The following NLK variants were observed in gnomAD, a reference collection of about 807,000 sequenced individuals.
NLK encodes the protein serine/threonine-protein kinase NLK.
In NLK, 11 loss-of-function variants were observed where a neutral mutation model predicts 59.0. The observed-to-expected ratio is 0.19, with a 90% confidence interval of 0.12 to 0.31. NLK has a LOEUF of 0.31. NLK is among the 10% of genes least tolerant of loss of function. NLK has a pLI of 1.00. For missense variants in NLK, 410 were observed against 661.1 expected (o/e 0.62, Z 4.16); for synonymous variants, 235 against 235.9 (o/e 1.00, Z 0.03).
the NLK span, among the ~76,000 whole-genome samples, chr17:28,205,358 T>C: frequency 4.1e-4 from 62 of 152,108 alleles, 1 homozygote; most frequent in Non-Finnish European, 7.6e-4. Context: ...CAGTGGACAG[T>C]GTGGATCAGG....
chr17:28,079,896 A>G (rs1255856133), intron 1 of NLK, among the ~76,000 whole-genome samples: 2 of 152,196 alleles, frequency 1.3e-5, no homozygotes, highest in Admixed American at 6.5e-5. Context: ...GCCAAATCCA[A>G]TATCATGAAG....
chr17:28,149,096 T>C (rs1440756948), intron 3 of NLK, among the ~76,000 whole-genome samples: 1 of 152,226 alleles, frequency 6.6e-6, no homozygotes, highest in Non-Finnish European at 1.5e-5. Context: ...AGGGTCTTGC[T>C]CTGTCGCCAA....
At chr17:28,100,468 A>G (rs1904866442) in intron 1 of NLK, among the ~76,000 whole-genome samples, 1 of 152,222 alleles carries the variant, frequency 6.6e-6, no homozygotes, top group Admixed American at 6.5e-5. Flanking sequence ...GTGGCTGTGT[A>G]GTAGAATCTT....
chr17:28,053,475 T>C (rs141712471), intron 1 of NLK, among the ~76,000 whole-genome samples: 4 of 152,192 alleles, frequency 2.6e-5, no homozygotes, highest in Non-Finnish European at 5.9e-5. Context: ...AGAGCAGATA[T>C]CTCCTATTGA....
chr17:28,181,127 G>A (rs1050558053), intron 7 of NLK, among the ~76,000 whole-genome samples: 5 of 152,120 alleles, frequency 3.3e-5, no homozygotes, highest in African/African-American at 4.8e-5. Context: ...GGGTGGGTGC[G>A]GTGGCTCACA....
chr17:28,163,466 C>A, intron 4 of NLK, 77 bp from the exon 5 acceptor site: 1 of 845,814 alleles, frequency 1.2e-6, no homozygotes, highest in South Asian at 1.6e-5. Flanking sequence ...CTACTGTTTT[C>A]TTCCAAGGTT....
chr17:28,123,422 C>T (rs376667341), intron 2 of NLK, among the ~76,000 whole-genome samples: 34 of 152,182 alleles, frequency 2.2e-4, no homozygotes, highest in African/African-American at 7.9e-4. Flanking sequence ...GAACAATGAA[C>T]AAGTGTAAGT....
At chr17:28,173,023 A>G (rs1004524869) in intron 7 of NLK, among the ~76,000 whole-genome samples, 5 of 152,204 alleles carry the variant, frequency 3.3e-5, no homozygotes, top group African/African-American at 9.7e-5. Flanking sequence ...AGCTGTTGCT[A>G]TTGCACTCTT....
intron 2 of NLK, among the ~76,000 whole-genome samples, chr17:28,128,460 A>T (rs1018812861): frequency 6.6e-6 from 1 of 152,198 alleles, no homozygotes; most frequent in Non-Finnish European, 1.5e-5. Flanking sequence ...ACTGAGTTAT[A>T]TATCTAAATA....
chr17:28,179,992 G>A (rs968011471), intron 7 of NLK, among the ~76,000 whole-genome samples: 3 of 151,062 alleles, frequency 2.0e-5, no homozygotes, highest in African/African-American at 7.3e-5. Context: ...CTAATGGCTG[G>A]TGAGTTAGTG....
intron 3 of NLK, among the ~76,000 whole-genome samples, chr17:28,153,111 T>A: frequency 6.6e-6 from 1 of 151,826 alleles, no homozygotes; most frequent in East Asian, 1.9e-4. Context: ...CTATCTCTAC[T>A]AAAAATAGAA....
intron 3 of NLK, among the ~76,000 whole-genome samples, chr17:28,156,970 C>T (rs1022444118): frequency 6.6e-6 from 1 of 152,040 alleles, no homozygotes; most frequent in African/African-American, 2.4e-5. Flanking sequence ...TGAAATTATT[C>T]TATAAAGAAC....
intron 1 of NLK, among the ~76,000 whole-genome samples, chr17:28,055,382 T>G (rs1231663465): frequency 6.6e-6 from 1 of 151,988 alleles, no homozygotes; most frequent in East Asian, 1.9e-4. Context: ...TGAGCCACCT[T>G]GCCAGGTTGG....
chr17:28,051,673 AC>A (rs914050439), intron 1 of NLK, among the ~76,000 whole-genome samples: 1 of 149,530 alleles, frequency 6.7e-6, no homozygotes, highest in African/African-American at 2.5e-5. Flanking sequence ...TTTTTTTTAA[AC>A]AATGGGGTAA....
chr17:28,184,552 T>TA (rs959513714), intron 7 of NLK, among the ~76,000 whole-genome samples: 3 of 151,334 alleles, frequency 2.0e-5, no homozygotes, highest in Admixed American at 1.3e-4. Context: ...TTCTCCTCTT[T>TA]AAAAAAAAAG....
At chr17:28,186,615 G>T (rs753465124) in intron 8 of NLK, among the ~76,000 whole-genome samples, 18 of 150,520 alleles carry the variant, frequency 1.2e-4, no homozygotes, top group Non-Finnish European at 1.8e-4. Flanking sequence ...GGAGGAGCAA[G>T]TCATGTCTAT....
At chr17:28,205,055 A>ATGGAGATACCATTCATGGAGC in the NLK span, among the ~76,000 whole-genome samples, 1 of 152,206 alleles carries the variant, frequency 6.6e-6, no homozygotes, top group African/African-American at 2.4e-5. Flanking sequence ...ACCTGAAGAG[A>ATGGAGATACCATTCATGGAGC]TGGAGATACC....
At chr17:28,109,177 GA>G (rs77035951) in intron 1 of NLK, among the ~76,000 whole-genome samples, 1,608 of 112,212 alleles carry the variant, frequency 0.014, 19 homozygotes, top group African/African-American at 0.041. Flanking sequence ...TCTCACAAAA[GA>G]AAAAAAAAAA....
intron 3 of NLK, 55 bp from the exon 4 acceptor site, chr17:28,161,105 T>A: frequency 1.1e-6 from 1 of 948,922 alleles, no homozygotes; most frequent in Non-Finnish European, 1.7e-6. Context: ...TGGTCACCAC[T>A]TTGAGGGGGT....
Sources: allele counts gnomAD v4.1 joint callset (sites outside exome capture counted in the v4.1 genomes callset), GRCh38; gene constraint gnomAD v4.1.1; transcripts MANE v1.5; gene names NCBI Gene and HGNC (gene_info 2026-07-23, HGNC 2026-07-21).